LSM8: variants seen among roughly 807,000 people sequenced by gnomAD.
LSM8 encodes LSM8 homolog, U6 small nuclear RNA associated, also known as LSM8 U6 small nuclear RNA associated.
In LSM8, 14 loss-of-function variants were observed where a neutral mutation model predicts 15.0. That is an observed-to-expected ratio of 0.93 (90% CI 0.62 to 1.46). The LOEUF (loss-of-function observed/expected upper bound fraction) is 1.46, where lower values mean the gene tolerates loss of function less well. Among genes scored for constraint, LSM8 ranks in the 40% most tolerant of loss-of-function variants. The pLI is 0.00. For missense variants in LSM8, 90 were observed against 115.4 expected, an observed-to-expected ratio of 0.78 and a Z score of 1.01; for synonymous variants, 50 against 42.1, an observed-to-expected ratio of 1.19 and a Z score of -0.73.
rs975888178 is a variant in LSM8, at chr7:118,197,928, A to G, written c.*5926A>G. 2.6e-5 allele frequency among the ~76,000 whole-genome samples: 4 copies of G among 152,210 alleles called. No individual in the cohort carries two copies. The highest frequency in any genetic ancestry group is 3.2e-3 in the Middle Eastern group (1 of 316). Reference sequence around the variant, plus strand: ...CTCCCTAGAACATACTAATTTGTCAATATTAATGATAGCTAACAATTATCC... The same window carrying G: ...CTCCCTAGAACATACTAATTTGTCAGTATTAATGATAGCTAACAATTATCC... On this transcript the variant is annotated 3_prime_UTR_variant, in exon 4 of 4. Coordinates refer to ENST00000249299, the MANE Select transcript of LSM8 (RefSeq NM_016200.5).
Position 118,197,620 on chromosome 7 carries a change from A to G in LSM8, c.*5618A>G, listed in dbSNP as rs563508758. ...ATTTTAAAATTTAAATTTTTATTTT[A>G]AAAAATAGCTCTCTGAATCTGACTT... On this transcript the variant is annotated 3_prime_UTR_variant, in exon 4 of 4. Transcript: ENST00000249299. 7.1e-4 allele frequency among the ~76,000 whole-genome samples: 108 copies of G among 152,258 alleles called. No homozygotes were observed. The highest frequency in any genetic ancestry group is 3.4e-3 in the Middle Eastern group (1 of 294).
chr7:118,191,710 T>C, intron 3 of LSM8: 1 of 502,982 alleles, frequency 2.0e-6, no homozygotes, highest in East Asian at 3.3e-5. Context: ...TTCAAATTAT[T>C]TCTTGAGTTT....
At chr7:118,189,658 C>T (rs1808946641) in intron 3 of LSM8, 1 of 152,164 alleles carries the variant, frequency 6.6e-6, no homozygotes. Flanking sequence ...CCCAGGAGTT[C>T]AAGACCAGCC....
At chr7:118,187,571 G>A (rs909547335) in intron 2 of LSM8, among the ~76,000 whole-genome samples, 1 of 152,154 alleles carries the variant, frequency 6.6e-6, no homozygotes, top group Admixed American at 6.5e-5. Context: ...TAAATTTTTA[G>A]TATATTTATG....
At chr7:118,184,344 G>A (rs1808846131) in intron 1 of LSM8, 90 bp downstream of exon 1, 2 of 1,357,522 alleles carry the variant, frequency 1.5e-6, no homozygotes, top group African/African-American at 1.5e-5. Context: ...GCCTGGCCTC[G>A]GCGGGATCCT....
At position 118,192,995 on chromosome 7, in the gene LSM8, G is replaced by A. The variant is rs766109848; in HGVS notation, c.*993G>A. 3.3e-5 allele frequency among the ~76,000 whole-genome samples: 5 copies of A among 152,152 alleles called. No homozygotes were observed. Among genetic ancestry groups the A allele is most frequent in the Non-Finnish European group, 5.9e-5 (4 of 68,002 alleles). ...CTGATCAACTCATGTATAGGCCCAA[G>A]TGTGTGTCTTTGTGATGAGAAGAAC... is the stretch of plus-strand genomic sequence containing the variant. On this transcript the variant is annotated 3_prime_UTR_variant, in exon 4 of 4. Transcript: ENST00000249299.
chr7:118,197,731 A>T lies in LSM8; in HGVS notation c.*5729A>T, dbSNP rs1005611778. ...TAGGAGGTATGATTTTTAAAAGGAA[A>T]TTGTTGATTAGGGTCTTGGGCTAGT... On this transcript the variant is annotated 3_prime_UTR_variant, in exon 4 of 4. Coordinates refer to ENST00000249299, the MANE Select transcript of LSM8 (RefSeq NM_016200.5). Among the ~76,000 whole-genome samples the T allele has an allele frequency of 6.6e-6, 1 of 152,180 alleles. No homozygotes were observed. The highest frequency in any genetic ancestry group is 1.5e-5 in the Non-Finnish European group (1 of 68,020).
Position 118,201,010 on chromosome 7 carries a change from T to A in LSM8, c.*9008T>A, listed in dbSNP as rs1809164799. 6.6e-6 allele frequency among the ~76,000 whole-genome samples: 1 copy of A among 152,138 alleles called. No individual in the cohort carries two copies. The highest frequency in any genetic ancestry group is 6.6e-5 in the Admixed American group (1 of 15,244). On this transcript the variant is annotated 3_prime_UTR_variant, in exon 4 of 4. Coordinates refer to ENST00000249299, the MANE Select transcript of LSM8 (RefSeq NM_016200.5). ...GTAGCAATTGACTTGAAATTTGTGA[T>A]ACTTCAACTTGTGCTAGGTTGTAGT...
intron 3 of LSM8, chr7:118,191,681 G>A (rs1383532438): frequency 2.2e-6 from 1 of 451,672 alleles, no homozygotes; most frequent in Non-Finnish European, 4.0e-6. Context: ...TTTAATATTG[G>A]TTCCTGTAAT....
rs1009456528 is a variant in LSM8, at chr7:118,197,019, G to A, written c.*5017G>A. Reference sequence around the variant, plus strand: ...TGGAATTACAGGCATGAACCACCACGCCCAGCCTAAGTCCTTTTATTTTAC... The same window carrying A: ...TGGAATTACAGGCATGAACCACCACACCCAGCCTAAGTCCTTTTATTTTAC... On this transcript the variant is annotated 3_prime_UTR_variant, in exon 4 of 4. Coordinates refer to ENST00000249299, the MANE Select transcript of LSM8 (RefSeq NM_016200.5). 6.6e-6 allele frequency among the ~76,000 whole-genome samples: 1 copy of A among 151,812 alleles called. No homozygotes were observed. The highest frequency in any genetic ancestry group is 1.5e-5 in the Non-Finnish European group (1 of 67,962).
At chr7:118,188,207 T>G in intron 2 of LSM8, 71 bp from the exon 3 acceptor site, 1 of 1,540,688 alleles carries the variant, frequency 6.5e-7, no homozygotes, top group Non-Finnish European at 9.0e-7. Flanking sequence ...CTAAAATGAC[T>G]GTGAGGTTAA....
rs557132374 is a variant in LSM8, at chr7:118,196,646, T to G, written c.*4644T>G. Among the ~76,000 whole-genome samples, 4 of 151,372 alleles carry G rather than the reference T, an allele frequency of 2.6e-5. No homozygotes were observed. Among genetic ancestry groups the G allele is most frequent in the African/African-American group, 9.7e-5 (4 of 41,362 alleles). On this transcript the variant is annotated 3_prime_UTR_variant, in exon 4 of 4. Coordinates refer to ENST00000249299, the MANE Select transcript of LSM8 (RefSeq NM_016200.5). ...CAATTTTTGTGTTAGTTTTTTGTTA[T>G]GCCTTTTCATTTCCTTCTTTTTTTA... is the stretch of plus-strand genomic sequence containing the variant.
intron 3 of LSM8, chr7:118,191,393 G>C (rs1477361289): frequency 2.6e-5 from 4 of 152,436 alleles, no homozygotes; most frequent in Non-Finnish European, 5.9e-5. Context: ...TATTATTTTT[G>C]TATATGAAGA....
At chr7:118,191,753 C>T (rs1562862502) in intron 3 of LSM8, 159 bp from the exon 4 acceptor site, 1 of 577,298 alleles carries the variant, frequency 1.7e-6, no homozygotes, top group Non-Finnish European at 3.0e-6. Context: ...CTGACTCACG[C>T]CAATGTTGTT....
intron 1 of LSM8, 156 bp downstream of exon 1, chr7:118,184,410 C>G: frequency 1.2e-6 from 1 of 862,304 alleles, no homozygotes; most frequent in Non-Finnish European, 1.6e-6. Context: ...CCGGCGGCGC[C>G]TCGAGCCTTC....
rs146213029 is a variant in LSM8, at chr7:118,196,797, T to C, written c.*4795T>C. Among the ~76,000 whole-genome samples, 7,557 of 151,536 alleles carry C rather than the reference T, an allele frequency of 0.05. 222 individuals are homozygous for C. The highest frequency in any genetic ancestry group is 0.088 in the Admixed American group (1,327 of 15,154). ...CAGGCTGGAGTGCAGTGGTGCAATC[T>C]TGGCTCACTACAACCTCCGCATCCT... On this transcript the variant is annotated 3_prime_UTR_variant, in exon 4 of 4. Transcript: ENST00000249299.
chr7:118,185,651 CA>C lies in LSM8; in HGVS notation c.32-2del. On this transcript the variant is annotated splice_acceptor_variant, in intron 1 of 3. Transcript: ENST00000249299. LOFTEE classifies it high-confidence loss of function. ...GAAACACTTTCTTTGATTCAGTTAT[CA>C]GGAACTGTTGCCGTTATTACATCAG... is the stretch of plus-strand genomic sequence containing the variant. 6.2e-7 allele frequency: 1 copy of C among 1,608,068 alleles called. No homozygotes were observed. Among genetic ancestry groups the C allele is most frequent in the Non-Finnish European group, 8.5e-7 (1 of 1,174,844 alleles).
Position 118,203,922 on chromosome 7 carries a change from C to T in LSM8, c.*11920C>T, listed in dbSNP as rs1260226445. 6.6e-6 allele frequency among the ~76,000 whole-genome samples: 1 copy of T among 151,512 alleles called. No homozygotes were observed. The highest frequency in any genetic ancestry group is 1.5e-5 in the Non-Finnish European group (1 of 67,726). On this transcript the variant is annotated 3_prime_UTR_variant, in exon 4 of 4. Coordinates refer to ENST00000249299, the MANE Select transcript of LSM8 (RefSeq NM_016200.5). ...TGGTTGCTTTCTAATTCCTTTCCTC[C>T]CTTATTGGTTACCTATGAATTGCTC...
rs920411737 is a variant in LSM8 at position 118,196,363 on chromosome 7, T to C, written c.*4361T>C. On this transcript the variant is annotated 3_prime_UTR_variant, in exon 4 of 4. Transcript: ENST00000249299. Reference sequence around the variant, plus strand: ...ATTCATTCAAAACAACTAGAAACAGTCTTTTTAAAATAAATATAATTCAAG... The same window carrying C: ...ATTCATTCAAAACAACTAGAAACAGCCTTTTTAAAATAAATATAATTCAAG... 1.3e-5 allele frequency among the ~76,000 whole-genome samples: 2 copies of C among 151,800 alleles called. No individual in the cohort carries two copies. Among genetic ancestry groups the C allele is most frequent in the Non-Finnish European group, 2.9e-5 (2 of 68,002 alleles).
Sources: allele counts gnomAD v4.1 joint callset (sites outside exome capture counted in the v4.1 genomes callset), GRCh38; gene constraint gnomAD v4.1.1; transcripts MANE v1.5; gene names NCBI Gene and HGNC (gene_info 2026-07-23, HGNC 2026-07-21).